Variants in GGACT observed in about 807,000 individuals in gnomAD.
GGACT encodes the protein gamma-glutamylaminecyclotransferase.
For synonymous variants in GGACT, 118 were observed against 115.3 expected (o/e 1.02, Z -0.15); for missense variants, 241 against 233.2 (o/e 1.03, Z -0.22).
chr13:100,580,738 C>A (rs1045690887), intron 2 of GGACT, among the ~76,000 whole-genome samples: 4 of 152,262 alleles, frequency 2.6e-5, no homozygotes, highest in South Asian at 2.1e-4. Flanking sequence ...GAAATCTGCA[C>A]CCTGTAGATC....
At chr13:100,565,583 C>G (rs1177140718) in intron 2 of GGACT, among the ~76,000 whole-genome samples, 1 of 152,178 alleles carries the variant, frequency 6.6e-6, no homozygotes, top group Admixed American at 6.5e-5. Flanking sequence ...GTTAACCCCC[C>G]TTTCCTCCCC....
At chr13:100,559,263 C>A (rs925603992) in intron 2 of GGACT, among the ~76,000 whole-genome samples, 1 of 152,236 alleles carries the variant, frequency 6.6e-6, no homozygotes, top group Non-Finnish European at 1.5e-5. Context: ...TCTTGGCTCA[C>A]TGCAACCTCC....
Position 100,532,034 on chromosome 13 carries a change from A to C in GGACT, c.*96T>G. ...GTTCCTTTCCGGCAGATTCATTGGAAAGGGCCCTGTTCGGCTTCCGCCTTC... is the reference window on the plus strand; with the variant it reads ...GTTCCTTTCCGGCAGATTCATTGGACAGGGCCCTGTTCGGCTTCCGCCTTC... On this transcript the variant is annotated 3_prime_UTR_variant, in exon 3 of 3. Coordinates refer to ENST00000683975, the MANE Select transcript of GGACT (RefSeq NM_001195087.2). The C allele has an allele frequency of 2.5e-6, 2 of 797,640 alleles. No homozygotes were observed. The highest frequency in any genetic ancestry group is 3.6e-6 in the Non-Finnish European group (2 of 557,686). 49.4% of individuals were successfully genotyped at this position (797,640 alleles called of 1,614,324 possible).
intron 2 of GGACT, among the ~76,000 whole-genome samples, chr13:100,554,202 C>G (rs1425095993): frequency 6.6e-6 from 1 of 152,134 alleles, no homozygotes; most frequent in Admixed American, 6.6e-5. Context: ...AGTTGCCCAC[C>G]CTTCCTTTAT....
chr13:100,546,270 G>A (rs2088602660), intron 2 of GGACT, among the ~76,000 whole-genome samples: 1 of 151,586 alleles, frequency 6.6e-6, no homozygotes, highest in Non-Finnish European at 1.5e-5. Context: ...GCTGAGGCAG[G>A]GGAATGGCGT....
chr13:100,579,540 G>A (rs1402138084), intron 2 of GGACT, among the ~76,000 whole-genome samples: 1 of 152,068 alleles, frequency 6.6e-6, no homozygotes, highest in African/African-American at 2.4e-5. Flanking sequence ...TATAACAGCT[G>A]GCCATAAAGA....
chr13:100,539,710 CTG>C (rs2088531899), intron 2 of GGACT: 2 of 602,216 alleles, frequency 3.3e-6, no homozygotes, highest in East Asian at 5.5e-5. Context: ...ATGCTCAACA[CTG>C]AAATGTTCCT....
chr13:100,557,345 T>A (rs1367384643), intron 2 of GGACT, among the ~76,000 whole-genome samples: 1 of 152,220 alleles, frequency 6.6e-6, no homozygotes, highest in Non-Finnish European at 1.5e-5. Context: ...GTGAATATAC[T>A]AAGACCCACT....
At chr13:100,538,952 T>C (rs2088523885) in intron 2 of GGACT, 1 of 152,246 alleles carries the variant, frequency 6.6e-6, no homozygotes, top group Admixed American at 6.5e-5. Flanking sequence ...TTAAGTTTAT[T>C]CCTAAGTATT....
chr13:100,535,615 T>G (rs1192237907), intron 2 of GGACT: 1 of 152,214 alleles, frequency 6.6e-6, no homozygotes, highest in African/African-American at 2.4e-5. Context: ...CCCTTGGCTC[T>G]CCTACCACAT....
At chr13:100,536,000 T>C (rs1205539326) in intron 2 of GGACT, 1 of 152,158 alleles carries the variant, frequency 6.6e-6, no homozygotes, top group Non-Finnish European at 1.5e-5. Context: ...TGGCCACATT[T>C]TGCTGAAGTG....
At chr13:100,542,567 G>C (rs1247695713) in intron 2 of GGACT, among the ~76,000 whole-genome samples, 2 of 152,176 alleles carry the variant, frequency 1.3e-5, no homozygotes, top group Non-Finnish European at 2.9e-5. Context: ...TGAGGGCACT[G>C]AACATCTCTG....
chr13:100,584,458 T>C (rs1490072546), intron 1 of GGACT, among the ~76,000 whole-genome samples: 1 of 151,952 alleles, frequency 6.6e-6, no homozygotes, highest in African/African-American at 2.4e-5. Context: ...GAGATCAGAA[T>C]GATGGTTACC....
chr13:100,560,877 G>A (rs1354121725), intron 2 of GGACT, among the ~76,000 whole-genome samples: 1 of 152,204 alleles, frequency 6.6e-6, no homozygotes, highest in Non-Finnish European at 1.5e-5. Flanking sequence ...AGACGGATGT[G>A]TGGGGCAAAA....
In GGACT at chr13:100,573,077, T is replaced by C. The variant is rs982918779; in HGVS notation, c.-11+10748A>G. On this transcript the variant is annotated intron_variant, in intron 2 of 2. Transcript: ENST00000683975. ...TACACTTCAATCCAACTAAAAGATTTTTCTAAGACCATATAGGTAGCAATC... is the reference window on the plus strand; with the variant it reads ...TACACTTCAATCCAACTAAAAGATTCTTCTAAGACCATATAGGTAGCAATC... 4.6e-5 allele frequency among the ~76,000 whole-genome samples: 7 copies of C among 152,194 alleles called. No individual in the cohort carries two copies. The South Asian group carries it at 1.4e-3, about 31-fold the overall frequency.
intron 2 of GGACT, 72 bp from the exon 3 acceptor site, chr13:100,532,673 C>T (rs762345142): frequency 2.1e-5 from 27 of 1,265,890 alleles, no homozygotes; most frequent in Non-Finnish European, 2.8e-5. Context: ...ACGTGGCTCC[C>T]GGCCCACAGA....
chr13:100,555,786 T>C (rs779116806), intron 2 of GGACT, among the ~76,000 whole-genome samples: 81 of 152,206 alleles, frequency 5.3e-4, no homozygotes, highest in Non-Finnish European at 7.3e-4. Flanking sequence ...GGATAATACA[T>C]CATTACTAAT....
intron 2 of GGACT, among the ~76,000 whole-genome samples, chr13:100,571,607 G>A (rs1467309653): frequency 1.3e-5 from 2 of 152,084 alleles, no homozygotes; most frequent in Non-Finnish European, 1.5e-5. Context: ...GCCACTGCAC[G>A]CGGCCCAGAG....
At chr13:100,576,282 C>G (rs1875244556) in intron 2 of GGACT, among the ~76,000 whole-genome samples, 1 of 151,976 alleles carries the variant, frequency 6.6e-6, no homozygotes, top group South Asian at 2.1e-4. Flanking sequence ...AAAGAAACAC[C>G]AAATTGATAA....
Sources: gnomAD v4.1 joint callset for allele counts (sites outside exome capture counted in the v4.1 genomes callset) on GRCh38, gnomAD v4.1.1 for gene constraint, MANE v1.5 for transcripts, NCBI Gene and HGNC (gene_info 2026-07-23, HGNC 2026-07-21) for gene names.